Variants in PIK3R2 observed in about 807,000 individuals in gnomAD.
PIK3R2 encodes phosphatidylinositol 3-kinase regulatory subunit beta.
PIK3R2 carries 40 observed loss-of-function variants against 78.5 expected under a neutral mutation model. The ratio of observed to expected loss-of-function variants is 0.51; its 90% CI spans 0.40 to 0.66. The LOEUF (loss-of-function observed/expected upper bound fraction) is 0.66. PIK3R2 is among the 30% of genes least tolerant of loss of function. PIK3R2 has a pLI of 0.00. For missense variants in PIK3R2, 880 were observed against 1,026.6 expected, an observed-to-expected ratio of 0.86 and a Z score of 1.95; for synonymous variants, 473 against 457.7, an observed-to-expected ratio of 1.03 and a Z score of -0.43.
Position 18,161,005 on chromosome 19 carries a change from G to C in PIK3R2, c.466+36G>C. ...GCCTCAATGGGGTTGGGAGGAGGCT[G>C]GGGGCCCCAGTACACATGAGTTGGA... On this transcript the variant is annotated intron_variant, in intron 4 of 15. Coordinates refer to ENST00000222254, the MANE Select transcript of PIK3R2 (RefSeq NM_005027.4). The surrounding 1 kb of genome is among the most constrained non-coding windows in gnomAD (Gnocchi z 5.3). 1.2e-6 allele frequency: 2 copies of C among 1,612,056 alleles called. No individual in the cohort carries two copies. Among genetic ancestry groups the C allele is most frequent in the East Asian group, 4.5e-5 (2 of 44,830 alleles).
At position 18,168,915 on chromosome 19, in the gene PIK3R2, T is replaced by C. The variant is rs763510659; in HGVS notation, c.1979+19T>C. ...CCGTGGTGTGAGTGGACCGCAGCGG[T>C]GGGGATTCCCGCGTCCCTCCCAGAG... On this transcript the variant is annotated intron_variant, in intron 15 of 15. Transcript: ENST00000222254. The surrounding 1 kb of genome is among the most constrained non-coding windows in gnomAD (Gnocchi z 4.1). 6.2e-7 allele frequency: 1 copy of C among 1,605,956 alleles called. No homozygotes were observed. Among genetic ancestry groups the C allele is most frequent in the Non-Finnish European group, 8.5e-7 (1 of 1,176,044 alleles).
chr19:18,155,556 C>A lies in PIK3R2; in HGVS notation c.-324C>A. 1 of 460,372 alleles carries A rather than the reference C, an allele frequency of 2.2e-6. No homozygotes were observed. The highest frequency in any genetic ancestry group is 4.5e-5 in the South Asian group (1 of 22,264). The allele number at this position is 460,372 out of a possible 1,614,324, so 28.5% of individuals were successfully genotyped here. ...CCGCCAGCCTTGGGCGCCCATGGCC[C>A]TCCGTGTGAGGGCGTGAGCGGCCTG... On this transcript the variant is annotated 5_prime_UTR_variant, in exon 2 of 16. Coordinates refer to ENST00000222254, the MANE Select transcript of PIK3R2 (RefSeq NM_005027.4).
At position 18,163,109 on chromosome 19, in the gene PIK3R2, GACAC is replaced by G; in HGVS notation, c.1255_1258del (p.Thr419GlyfsTer57). On this transcript the variant is annotated frameshift_variant, in exon 10 of 16. Transcript: ENST00000222254. LOFTEE classifies it high-confidence loss of function. ...TCTGGCCCAGTACAATGCCAAGCTG[GACAC>G]ACGGCTCCTCTACCCTGTGTCCAAA... 1 of 1,613,886 alleles carries G rather than the reference GACAC, an allele frequency of 6.2e-7. No homozygotes were observed. The highest frequency in any genetic ancestry group is 8.5e-7 in the Non-Finnish European group (1 of 1,179,990).
Position 18,167,190 on chromosome 19 carries a change from G to A in PIK3R2, c.1620G>A (p.Thr540=), listed in dbSNP as rs546014325. 188 of 1,611,194 alleles carry A rather than the reference G, an allele frequency of 1.2e-4. No individual in the cohort carries two copies. Among genetic ancestry groups the A allele is most frequent in the South Asian group, 1.1e-3 (100 of 90,520 alleles). The change falls in exon 13 of 16, where the codon ACG becomes ACA. Residue 540 remains threonine (T), a synonymous_variant. Coordinates refer to ENST00000222254, the MANE Select transcript of PIK3R2 (RefSeq NM_005027.4). This position sits in a 1 kb window ranked among gnomAD's most constrained non-coding sequence, Gnocchi z 4.5. ...SRIAEIHESR[T]KLEQQLRAQA... ...TTGCCGAGATCCATGAGAGCCGCAC[G>A]AAGCTGGAGCAGCAGCTGCGGGCCC...
Position 18,168,431 on chromosome 19 carries a change from C to T in PIK3R2, c.1737-44C>T. On this transcript the variant is annotated intron_variant, in intron 13 of 15. Transcript: ENST00000222254. This position sits in a 1 kb window ranked among gnomAD's most constrained non-coding sequence, Gnocchi z 4.1. ...CCGGACAGGCCCACTGTGGGCTCAG[C>T]ACCCACACAACTGCACAAGCCCACC... 1.3e-6 allele frequency: 1 copy of T among 769,558 alleles called. No homozygotes were observed. Among genetic ancestry groups the T allele is most frequent in the South Asian group, 1.4e-5 (1 of 73,250 alleles). 47.7% of individuals were successfully genotyped at this position (769,558 alleles called of 1,614,324 possible). A position where few individuals can be genotyped will look rare whatever the true frequency, so the allele number is the denominator to read the frequency against.
intron 1 of PIK3R2, among the ~76,000 whole-genome samples, chr19:18,154,190 C>T (rs2043653146): frequency 6.6e-6 from 1 of 152,156 alleles, no homozygotes; most frequent in South Asian, 2.1e-4. Flanking sequence ...CATCCCCCGA[C>T]CCTAGCCCTG....
rs886921639 is a variant in PIK3R2, at chr19:18,169,499, T to A, written c.*205T>A. The A allele has an allele frequency of 2.9e-6, 1 of 346,872 alleles. No individual in the cohort carries two copies. The highest frequency in any genetic ancestry group is 4.4e-5 in the East Asian group (1 of 22,794). 21.5% of individuals were successfully genotyped at this position (346,872 alleles called of 1,614,324 possible). The stretch of plus-strand genomic sequence containing the variant: ...TCCCTCTGTCTCCTTTTCTCTGTCT[T>A]TCTTGGCCCCTGTCTCTCTCCATGT... On this transcript the variant is annotated 3_prime_UTR_variant, in exon 16 of 16. Coordinates refer to ENST00000222254, the MANE Select transcript of PIK3R2 (RefSeq NM_005027.4).
intron 10 of PIK3R2, 24 bp from the exon 11 acceptor site, chr19:18,163,239 C>T (rs894330230): frequency 1.2e-6 from 2 of 1,614,102 alleles, no homozygotes; most frequent in Non-Finnish European, 1.7e-6. Flanking sequence ...ATGCATCTCC[C>T]CTCATTCCGC....
rs773461293 is a variant in PIK3R2, at chr19:18,161,991, G to A, written c.841G>A (p.Ala281Thr). The change falls in exon 7 of 16, where the codon GCG becomes ACG. Residue 281 changes from alanine to threonine, a missense_variant. Ala to Thr is a moderately conservative substitution (Grantham distance 58). Around this residue, in one of 3 missense-constraint regions of PIK3R2, gnomAD observed 456 missense variants for 486.6 expected, o/e 0.94. Transcript: ENST00000222254. This position sits in a 1 kb window ranked among gnomAD's most constrained non-coding sequence, Gnocchi z 5.3. ...DGSEPSPDFP[A>T]LLVEKLLQEH... Reference sequence around the variant, plus strand: ...GAGTGAGCCCAGCCCTGACTTCCCGGCGCTGCTGGTGGAGAAGCTGCTTCA... The same window carrying A: ...GAGTGAGCCCAGCCCTGACTTCCCGACGCTGCTGGTGGAGAAGCTGCTTCA... 1 of 1,613,888 alleles carries A rather than the reference G, an allele frequency of 6.2e-7. No homozygotes were observed. The highest frequency in any genetic ancestry group is 1.3e-5 in the African/African-American group (1 of 74,924).
In PIK3R2 at chr19:18,163,054, G is replaced by T; in HGVS notation, c.1197G>T (p.Val399=). The T allele has an allele frequency of 1.2e-6, 2 of 1,613,574 alleles. No homozygotes were observed. Among genetic ancestry groups the T allele is most frequent in the Non-Finnish European group, 8.5e-7 (1 of 1,179,916 alleles). The change falls in exon 10 of 16, where the codon GTG becomes GTT. Residue 399 remains valine, a synonymous_variant. Transcript: ENST00000222254. The part of the protein sequence containing the change: ...FSEPLTFCSV[V]DLINHYRHES... ...AGCCACTCACCTTCTGCTCCGTTGT[G>T]GACCTCATCAATCACTACCGCCACG... is the stretch of plus-strand genomic sequence containing the variant.
rs547399236 is a variant in PIK3R2 at position 18,161,818 on chromosome 19, C to A, written c.816-148C>A. The A allele has an allele frequency of 6.1e-6, 4 of 657,570 alleles. No homozygotes were observed. The East Asian group carries it at 8.2e-5, about 13-fold the overall frequency. 40.7% of individuals were successfully genotyped at this position (657,570 alleles called of 1,614,324 possible). ...CATACAGCTATGAGGGAGCTGGCCTCGCACATGTGCCTGTATCATCTCCTC... is the reference window on the plus strand; with the variant it reads ...CATACAGCTATGAGGGAGCTGGCCTAGCACATGTGCCTGTATCATCTCCTC... On this transcript the variant is annotated intron_variant, in intron 6 of 15. Transcript: ENST00000222254. This position sits in a 1 kb window ranked among gnomAD's most constrained non-coding sequence, Gnocchi z 5.3.
rs201271257 is a variant in PIK3R2 at position 18,168,719 on chromosome 19, A to T, written c.1809-7A>T. 527 of 1,270,598 alleles carry T rather than the reference A, an allele frequency of 4.1e-4. 4 individuals are homozygous for T. Among genetic ancestry groups the T allele is most frequent in the South Asian group, 3.3e-3 (276 of 84,060 alleles). 78.7% of individuals were successfully genotyped at this position (1,270,598 alleles called of 1,614,324 possible). On this transcript the variant is annotated splice_region_variant and splice_polypyrimidine_tract_variant and intron_variant, in intron 14 of 15. Coordinates refer to ENST00000222254, the MANE Select transcript of PIK3R2 (RefSeq NM_005027.4). The surrounding 1 kb of genome is among the most constrained non-coding windows in gnomAD (Gnocchi z 4.1). ...AGGGCCCTCCCCGCCACCGCCCCCCACCCCAGCCAGTACGCACTCATGGAG... is the reference window on the plus strand; with the variant it reads ...AGGGCCCTCCCCGCCACCGCCCCCCTCCCCAGCCAGTACGCACTCATGGAG...
At position 18,160,499 on chromosome 19, in the gene PIK3R2, GT is replaced by G. The variant is rs747078536; in HGVS notation, c.353del (p.Phe118SerfsTer12). 1 of 1,613,910 alleles carries G rather than the reference GT, an allele frequency of 6.2e-7. No individual in the cohort carries two copies. ...GLTLPDLPEQ[F>X]SPPDVAPPLL... is the part of the protein sequence containing the mutation. ...TCACACTCCCCGACTTGCCCGAGCA[GT>G]TCTCCCCACCTGATGTGGCTCCCCC... On this transcript the variant is annotated frameshift_variant, in exon 3 of 16. Coordinates refer to ENST00000222254, the MANE Select transcript of PIK3R2 (RefSeq NM_005027.4). LOFTEE classifies it high-confidence loss of function.
At chr19:18,154,799 G>A (rs1408436371) in intron 1 of PIK3R2, among the ~76,000 whole-genome samples, 3 of 142,448 alleles carry the variant, frequency 2.1e-5, no homozygotes, top group African/African-American at 5.0e-5. Flanking sequence ...TTTACTGGCC[G>A]GGCGCGGTGG....
Position 18,161,016 on chromosome 19 carries a change from T to C in PIK3R2, c.467-38T>C. On this transcript the variant is annotated intron_variant, in intron 4 of 15. Coordinates refer to ENST00000222254, the MANE Select transcript of PIK3R2 (RefSeq NM_005027.4). The surrounding 1 kb of genome is among the most constrained non-coding windows in gnomAD (Gnocchi z 5.3). The stretch of plus-strand genomic sequence containing the variant: ...GTTGGGAGGAGGCTGGGGGCCCCAG[T>C]ACACATGAGTTGGACGTGTGCCCCC... 2 of 1,611,904 alleles carry C rather than the reference T, an allele frequency of 1.2e-6. No homozygotes were observed. The highest frequency in any genetic ancestry group is 1.1e-5 in the South Asian group (1 of 90,754).
chr19:18,163,416 AC>A (rs2043773814), intron 11 of PIK3R2, 28 bp downstream of exon 11: 1 of 1,613,174 alleles, frequency 6.2e-7, no homozygotes, highest in African/African-American at 1.3e-5. Flanking sequence ...CATGAGGGAA[AC>A]CGAGACATAG....
Position 18,169,317 on chromosome 19 carries a change from A to C in PIK3R2, c.*23A>C. 7.3e-7 allele frequency: 1 copy of C among 1,369,074 alleles called. No individual in the cohort carries two copies. Among genetic ancestry groups the C allele is most frequent in the Non-Finnish European group, 9.4e-7 (1 of 1,064,692 alleles). The allele number at this position is 1,369,074 out of a possible 1,614,324, so 84.8% of individuals were successfully genotyped here. A position where few individuals can be genotyped will look rare whatever the true frequency, so the allele number is the denominator to read the frequency against. ...TGAGCACCGAGGACCCGCCCCAAGC[A>C]GAGCCGCCCCTGGGCCCGTCTGCGC... On this transcript the variant is annotated 3_prime_UTR_variant, in exon 16 of 16. Coordinates refer to ENST00000222254, the MANE Select transcript of PIK3R2 (RefSeq NM_005027.4).
rs2147951075 is a variant in PIK3R2 at position 18,161,599 on chromosome 19, A to G, written c.815+104A>G. 2.2e-6 allele frequency: 1 copy of G among 451,098 alleles called. No homozygotes were observed. The highest frequency in any genetic ancestry group is 4.1e-5 in the East Asian group (1 of 24,212). 27.9% of individuals were successfully genotyped at this position (451,098 alleles called of 1,614,324 possible). ...CGTCTAGACCCTAAGAAGGGAGGGG[A>G]TGGGGTCCAGAGTGAGAAGCTGCGT... On this transcript the variant is annotated intron_variant, in intron 6 of 15. Transcript: ENST00000222254. This position sits in a 1 kb window ranked among gnomAD's most constrained non-coding sequence, Gnocchi z 5.3.
intron 11 of PIK3R2, 104 bp from the exon 12 acceptor site, chr19:18,166,056 A>T: frequency 5.7e-6 from 8 of 1,410,022 alleles, no homozygotes; most frequent in Non-Finnish European, 8.0e-6. Flanking sequence ...TGATAGAGGG[A>T]CCAGCTTGAG....
Sources: allele counts gnomAD v4.1 joint callset (sites outside exome capture counted in the v4.1 genomes callset), GRCh38; gene constraint gnomAD v4.1.1; regional missense constraint gnomAD v4.1.1; non-coding constraint Gnocchi (gnomAD v3.1); transcripts MANE v1.5; gene names NCBI Gene and HGNC (gene_info 2026-07-23, HGNC 2026-07-21).